Variants in SLC39A12 observed in about 807,000 individuals in gnomAD.
SLC39A12 encodes the protein solute carrier family 39 member 12.
A neutral mutation model predicts 71.1 loss-of-function variants in SLC39A12; 63 were observed. The observed-to-expected ratio is 0.89, with a 90% confidence interval of 0.72 to 1.09. SLC39A12 has a LOEUF of 1.09. Ranked by LOEUF, SLC39A12 falls within the 50% of genes least tolerant of loss-of-function variation. The pLI, the probability that SLC39A12 is intolerant of heterozygous loss-of-function variation, is 0.00. For synonymous variants in SLC39A12, 351 were observed against 301.3 expected (o/e 1.16, Z -1.71); for missense variants, 892 against 812.6 (o/e 1.10, Z -1.19).
chr10:17,977,136 T>C (rs534823795), intron 4 of SLC39A12, among the ~76,000 whole-genome samples: 2 of 152,272 alleles, frequency 1.3e-5, no homozygotes, highest in Admixed American at 1.3e-4. Flanking sequence ...ACTCCAGAAT[T>C]TTCATTTGGA....
At chr10:18,010,875 C>A (rs192482317) in intron 12 of SLC39A12, among the ~76,000 whole-genome samples, 63 of 152,290 alleles carry the variant, frequency 4.1e-4, no homozygotes, top group Non-Finnish European at 7.5e-4. Flanking sequence ...GCAAGACCAA[C>A]CGTTCCTCCT....
chr10:17,990,162 T>C (rs1685312315), intron 7 of SLC39A12, among the ~76,000 whole-genome samples: 1 of 152,234 alleles, frequency 6.6e-6, no homozygotes, highest in Non-Finnish European at 1.5e-5. Flanking sequence ...AAATGTTCCC[T>C]ATTTTGTGCA....
chr10:17,959,225 T>G (rs1167263293), intron 2 of SLC39A12, among the ~76,000 whole-genome samples: 1 of 152,158 alleles, frequency 6.6e-6, no homozygotes, highest in African/African-American at 2.4e-5. Context: ...GGTGTGGACT[T>G]TTCTTCTGGG....
chr10:18,011,493 T>C (rs568158584), intron 12 of SLC39A12, among the ~76,000 whole-genome samples: 68 of 152,370 alleles, frequency 4.5e-4, no homozygotes, highest in Admixed American at 8.5e-4. Context: ...AATTGTGTTA[T>C]TGGTTAGGCT....
chr10:17,992,776 A>G (rs935472392), intron 8 of SLC39A12, among the ~76,000 whole-genome samples: 1 of 152,204 alleles, frequency 6.6e-6, no homozygotes, highest in African/African-American at 2.4e-5. Flanking sequence ...TCCAAGATTT[A>G]TGATATTGCC....
At position 18,042,715 on chromosome 10, in the gene SLC39A12, T is replaced by C; in HGVS notation, c.1958T>C (p.Met653Thr). 6.2e-7 allele frequency: 1 copy of C among 1,604,486 alleles called. No individual in the cohort carries two copies. The highest frequency in any genetic ancestry group is 8.5e-7 in the Non-Finnish European group (1 of 1,176,594). ...YLSLVEMLPE[M>T]THVQTQRPWM... is the part of the protein sequence containing the mutation. ...TTATTCTTTTTTTAGCTTCCTGAAA[T>C]GACTCATGTTCAAACACAACGACCC... The change falls in exon 13 of 13, where the codon ATG (methionine) becomes ACG (threonine). Residue 653 changes from methionine (M) to threonine (T), a missense_variant. Coordinates refer to ENST00000377369, the MANE Select transcript of SLC39A12 (RefSeq NM_001145195.2).
chr10:18,027,120 A>G (rs1340340602), intron 12 of SLC39A12, among the ~76,000 whole-genome samples: 1 of 152,224 alleles, frequency 6.6e-6, no homozygotes, highest in Non-Finnish European at 1.5e-5. Flanking sequence ...ATTGTGCTAA[A>G]TAGGCCATTA....
At chr10:18,029,328 T>C (rs1018419108) in intron 12 of SLC39A12, among the ~76,000 whole-genome samples, 1 of 152,206 alleles carries the variant, frequency 6.6e-6, no homozygotes, top group Admixed American at 6.5e-5. Context: ...AAGGAATTTC[T>C]TACCTGTGCC....
chr10:17,967,894 A>ATATATAT (rs1476243267), intron 4 of SLC39A12, among the ~76,000 whole-genome samples: 168 of 117,794 alleles, frequency 1.4e-3, no homozygotes, highest in African/African-American at 5.9e-3. Context: ...CTCAAAAAAA[A>ATATATAT]AAAAATATAT....
In SLC39A12 at chr10:17,995,702, T is replaced by TGACA; in HGVS notation, c.1582_1585dup (p.Ala529AspfsTer8). On this transcript the variant is annotated frameshift_variant, in exon 10 of 13. Coordinates refer to ENST00000377369, the MANE Select transcript of SLC39A12 (RefSeq NM_001145195.2). LOFTEE classifies it high-confidence loss of function. ...GCAGCTGAAATGCCTATAGGCAGTA[T>TGACA]GACAGCCTCCAACAGAAAATGTGAG... The TGACA allele has an allele frequency of 6.2e-7, 1 of 1,613,202 alleles. No individual in the cohort carries two copies. Among genetic ancestry groups the TGACA allele is most frequent in the Non-Finnish European group, 8.5e-7 (1 of 1,179,696 alleles).
chr10:17,983,580 G>A (rs570108190), intron 6 of SLC39A12, among the ~76,000 whole-genome samples: 1 of 152,000 alleles, frequency 6.6e-6, no homozygotes, highest in Non-Finnish European at 1.5e-5. Flanking sequence ...TCAGGAGTTC[G>A]AGACCAGCCT....
intron 4 of SLC39A12, among the ~76,000 whole-genome samples, chr10:17,966,866 C>G (rs138674729): frequency 6.6e-6 from 1 of 151,740 alleles, no homozygotes; most frequent in South Asian, 2.1e-4. Context: ...CCCAGCTACT[C>G]CGGAGGCTGA....
chr10:18,006,261 T>C (rs768282779), intron 12 of SLC39A12, among the ~76,000 whole-genome samples: 1 of 152,184 alleles, frequency 6.6e-6, no homozygotes, highest in Non-Finnish European at 1.5e-5. Context: ...GAGACATAAA[T>C]GAGGCCATTA....
chr10:17,981,531 A>G (rs753848543), intron 6 of SLC39A12, 48 bp downstream of exon 6: 69 of 1,471,636 alleles, frequency 4.7e-5, no homozygotes, highest in Admixed American at 5.9e-5. Context: ...CAATGTATGC[A>G]ATAATAATAG....
chr10:17,977,634 T>A (rs1366158812), intron 4 of SLC39A12, among the ~76,000 whole-genome samples: 1 of 152,180 alleles, frequency 6.6e-6, no homozygotes, highest in Non-Finnish European at 1.5e-5. Context: ...TAATAATTAA[T>A]CTATGATGGA....
At chr10:17,992,450 G>A (rs531325219) in intron 8 of SLC39A12, among the ~76,000 whole-genome samples, 1 of 152,270 alleles carries the variant, frequency 6.6e-6, no homozygotes, top group South Asian at 2.1e-4. Flanking sequence ...AAACTAGGAT[G>A]CTATGGTAAT....
chr10:17,962,478 T>C (rs1377856974), intron 3 of SLC39A12, among the ~76,000 whole-genome samples: 2 of 152,176 alleles, frequency 1.3e-5, no homozygotes, highest in African/African-American at 2.4e-5. Context: ...AGTTAGGTTT[T>C]TGCTTTCTGG....
chr10:18,038,208 G>A (rs567080702), intron 12 of SLC39A12, among the ~76,000 whole-genome samples: 22 of 151,850 alleles, frequency 1.4e-4, no homozygotes, highest in East Asian at 5.8e-4. Flanking sequence ...GGATAATGCC[G>A]TCATTTATAT....
intron 9 of SLC39A12, 56 bp from the exon 10 acceptor site, chr10:17,995,600 C>T: frequency 6.6e-7 from 1 of 1,506,166 alleles, no homozygotes; most frequent in South Asian, 1.2e-5. Context: ...TTTCATTTTT[C>T]AACAAAATGA....
Sources: gnomAD v4.1 joint callset for allele counts (sites outside exome capture counted in the v4.1 genomes callset) on GRCh38, gnomAD v4.1.1 for gene constraint, MANE v1.5 for transcripts, NCBI Gene and HGNC (gene_info 2026-07-23, HGNC 2026-07-21) for gene names.